Variants in TENM3 observed in about 807,000 individuals in gnomAD.
TENM3 encodes teneurin-3.
TENM3 carries 63 observed loss-of-function variants against 255.1 expected under a neutral mutation model. The observed-to-expected ratio is 0.25, with a 90% confidence interval of 0.20 to 0.30. The LOEUF is 0.30. Ranked by LOEUF, TENM3 falls within the 10% of genes least tolerant of loss-of-function variation. The pLI is 1.00. For missense variants in TENM3, 2,929 were observed against 3,461.1 expected (o/e 0.85, Z 3.86); for synonymous variants, 1,306 against 1,322.3 (o/e 0.99, Z 0.27).
chr4:182,604,756 T>G (rs990000832), intron 4 of TENM3, among the ~76,000 whole-genome samples: 25 of 152,232 alleles, frequency 1.6e-4, no homozygotes, highest in African/African-American at 6.0e-4. Flanking sequence ...AGTCTTGTTT[T>G]ATTATGAAGC....
At chr4:182,703,324 C>T (rs998982215) in intron 12 of TENM3, among the ~76,000 whole-genome samples, 3 of 152,074 alleles carry the variant, frequency 2.0e-5, no homozygotes, top group African/African-American at 7.2e-5. Context: ...ATAACAATTA[C>T]AACAACAAAA....
intron 3 of TENM3, among the ~76,000 whole-genome samples, chr4:182,522,549 T>C (rs566635341): frequency 7.7e-4 from 118 of 152,372 alleles, no homozygotes; most frequent in Middle Eastern, 3.4e-3. Flanking sequence ...TTCCACTGTG[T>C]ATATATACCA....
the TENM3 span, among the ~76,000 whole-genome samples, chr4:181,952,773 G>A: frequency 6.6e-6 from 1 of 152,250 alleles, no homozygotes; most frequent in Non-Finnish European, 1.5e-5. Flanking sequence ...TCGGAGATCA[G>A]TTGAGCTTGC....
the TENM3 span, among the ~76,000 whole-genome samples, chr4:181,698,396 T>G: frequency 6.6e-6 from 1 of 152,126 alleles, no homozygotes; most frequent in Non-Finnish European, 1.5e-5. Flanking sequence ...TTCTAGTTAT[T>G]TATTTTAATG....
rs1157424188 is a variant in TENM3 at position 182,802,709 on chromosome 4, A to C, written c.*2358A>C. The C allele has an allele frequency of 6.6e-6, 1 of 150,868 alleles. No homozygotes were observed. Among genetic ancestry groups the C allele is most frequent in the African/African-American group, 2.5e-5 (1 of 40,776 alleles). 9.3% of individuals were successfully genotyped at this position (150,868 alleles called of 1,614,324 possible). On this transcript the variant is annotated 3_prime_UTR_variant, in exon 28 of 28. Coordinates refer to ENST00000511685, the MANE Select transcript of TENM3 (RefSeq NM_001080477.4). ...AATGAGCCTATTTCTTTCTAAAAAG[A>C]CTTGTGATCTGGACATGCTTTTACA... is the stretch of plus-strand genomic sequence containing the variant.
intron 12 of TENM3, among the ~76,000 whole-genome samples, chr4:182,689,250 G>A (rs917690696): frequency 6.6e-6 from 1 of 152,040 alleles, no homozygotes; most frequent in Non-Finnish European, 1.5e-5. Flanking sequence ...ACATCCCTAG[G>A]GTGAAATTTG....
chr4:181,854,782 A>C, the TENM3 span, among the ~76,000 whole-genome samples: 57 of 152,340 alleles, frequency 3.7e-4, no homozygotes, highest in African/African-American at 1.3e-3. Flanking sequence ...TCATTTATGA[A>C]GGATCACAAA....
At position 182,773,558 on chromosome 4, in the gene TENM3, C is replaced by T. The variant is rs1267254232; in HGVS notation, c.4979C>T (p.Thr1660Ile). Residue 1660 changes from threonine (T) to isoleucine (I), a missense_variant, in exon 23 of 28, where the codon ACA (threonine) becomes ATA (isoleucine). By Grantham distance (89) the Thr-to-Ile change is moderately conservative. Transcript: ENST00000511685. ...CATGGGGACATGGACAAGGCTATCA[C>T]AGTGGACATTGAGTCATCTAGCCGA... ...NLHGDMDKAI[T>I]VDIESSSREE... 4.3e-6 allele frequency: 7 copies of T among 1,613,902 alleles called. No homozygotes were observed. Among genetic ancestry groups the T allele is most frequent in the Non-Finnish European group, 5.9e-6 (7 of 1,179,834 alleles).
chr4:182,456,794 G>C (rs995577708), intron 3 of TENM3, among the ~76,000 whole-genome samples: 2 of 152,140 alleles, frequency 1.3e-5, no homozygotes, highest in African/African-American at 4.8e-5. Flanking sequence ...CAAATGTTTT[G>C]CCGTCGAGAG....
chr4:182,436,996 C>A (rs1038367666), intron 3 of TENM3, among the ~76,000 whole-genome samples: 1 of 146,458 alleles, frequency 6.8e-6, no homozygotes, highest in Non-Finnish European at 1.5e-5. Context: ...CCATTGCACT[C>A]CAGCCTGGGC....
At chr4:181,634,012 A>G in the TENM3 span, among the ~76,000 whole-genome samples, 37 of 152,282 alleles carry the variant, frequency 2.4e-4, 1 homozygote, top group South Asian at 7.7e-3. Context: ...TAAGAGAAAA[A>G]TGTGACTTCC....
chr4:182,726,376 A>ATGGCAAAAACCTTAAAGGCTTTTG (rs11271130), intron 13 of TENM3, among the ~76,000 whole-genome samples: 1 of 151,988 alleles, frequency 6.6e-6, no homozygotes, highest in Non-Finnish European at 1.5e-5. Flanking sequence ...AGCGCAGCTT[A>ATGGCAAAAACCTTAAAGGCTTTTG]TGTCTGTGTC....
the TENM3 span, among the ~76,000 whole-genome samples, chr4:182,100,480 CACAT>C: frequency 0.021 from 2,864 of 138,994 alleles, 84 homozygotes; most frequent in Non-Finnish European, 0.031. Context: ...CACACACACA[CACAT>C]ATATATATAT....
chr4:182,500,116 C>T (rs888709021), intron 3 of TENM3, among the ~76,000 whole-genome samples: 4 of 152,090 alleles, frequency 2.6e-5, no homozygotes, highest in African/African-American at 9.7e-5. Context: ...CATGGGATCC[C>T]AGAAGCAAAT....
chr4:182,762,514 A>G (rs972697817), intron 22 of TENM3, among the ~76,000 whole-genome samples: 1 of 152,220 alleles, frequency 6.6e-6, no homozygotes, highest in Non-Finnish European at 1.5e-5. Context: ...ACAATCACAG[A>G]ACTGAAGATT....
chr4:181,718,983 G>T, the TENM3 span, among the ~76,000 whole-genome samples: 1 of 151,890 alleles, frequency 6.6e-6, no homozygotes, highest in Non-Finnish European at 1.5e-5. Flanking sequence ...GAGGCGGGTG[G>T]ATCATGAGGT....
chr4:182,379,481 C>T (rs1767419042), intron 3 of TENM3, among the ~76,000 whole-genome samples: 1 of 152,170 alleles, frequency 6.6e-6, no homozygotes, highest in Non-Finnish European at 1.5e-5. Flanking sequence ...TAGTGTGTTA[C>T]TAGAAAATTG....
chr4:182,452,436 C>G (rs1773542856), intron 3 of TENM3, among the ~76,000 whole-genome samples: 1 of 151,974 alleles, frequency 6.6e-6, no homozygotes, highest in East Asian at 1.9e-4. Context: ...TGGCCTGGTT[C>G]TTAGCTAACA....
intron 1 of TENM3, among the ~76,000 whole-genome samples, chr4:182,182,749 C>T (rs1429365483): frequency 6.6e-6 from 1 of 152,150 alleles, no homozygotes; most frequent in African/African-American, 2.4e-5. Context: ...TCTAAAATGC[C>T]TGCCTTATCA....
Sources: gnomAD v4.1 joint callset for allele counts (sites outside exome capture counted in the v4.1 genomes callset) on GRCh38, gnomAD v4.1.1 for gene constraint, MANE v1.5 for transcripts, NCBI Gene and HGNC (gene_info 2026-07-23, HGNC 2026-07-21) for gene names.